The following TMEM117 variants were observed in gnomAD, a reference collection of about 807,000 sequenced individuals.
The protein encoded by TMEM117 is transmembrane protein 117.
In TMEM117, 27 loss-of-function variants were observed where a neutral mutation model predicts 52.4. That is an observed-to-expected ratio of 0.51 (90% CI 0.38 to 0.71). TMEM117 has a LOEUF of 0.71. Ranked by LOEUF, TMEM117 falls within the 30% of genes least tolerant of loss-of-function variation. The probability of loss-of-function intolerance (pLI) is 0.00; values close to 1 mark genes in which losing one functional copy is unlikely to be tolerated. For missense variants in TMEM117, 556 were observed against 630.5 expected (o/e 0.88, Z 1.26); for synonymous variants, 215 against 206.3 (o/e 1.04, Z -0.36).
chr12:44,369,596 A>G (rs1051748609), intron 6 of TMEM117, among the ~76,000 whole-genome samples: 3 of 152,230 alleles, frequency 2.0e-5, no homozygotes, highest in Non-Finnish European at 4.4e-5. Context: ...GGATAATTAA[A>G]TTGCTTGAGC....
Position 44,221,767 on chromosome 12 carries a change from C to T in TMEM117, c.608+10380C>T, listed in dbSNP as rs569319991. ...AGGCTGGAGTACAGTGGCATGATCG[C>T]GGCTCACTGCAACCTCCATCTCCCA... is the stretch of plus-strand genomic sequence containing the variant. On this transcript the variant is annotated intron_variant, in intron 5 of 7. Coordinates refer to ENST00000266534, the MANE Select transcript of TMEM117 (RefSeq NM_032256.3). Among the ~76,000 whole-genome samples, 25 of 151,800 alleles carry T rather than the reference C, an allele frequency of 1.6e-4. No homozygotes were observed. In the South Asian group the frequency reaches 1.9e-3, roughly 11 times the overall value.
At chr12:43,819,765 ACT>A in the TMEM117 span, among the ~76,000 whole-genome samples, 2,334 of 151,774 alleles carry the variant, frequency 0.015, 33 homozygotes, top group South Asian at 0.026. Flanking sequence ...ATAGAGCGAG[ACT>A]CTGTCAAAAA....
intron 2 of TMEM117, among the ~76,000 whole-genome samples, chr12:43,896,196 G>T (rs1195647117): frequency 6.6e-6 from 1 of 152,148 alleles, no homozygotes; most frequent in Non-Finnish European, 1.5e-5. Context: ...CTCCTACCTT[G>T]CAGCAATAGT....
chr12:43,800,826 C>A, the TMEM117 span, among the ~76,000 whole-genome samples: 1 of 152,208 alleles, frequency 6.6e-6, no homozygotes, highest in Non-Finnish European at 1.5e-5. Flanking sequence ...TCTCAGCTCA[C>A]TGCAACCTCT....
chr12:44,356,761 A>G (rs964913429), intron 6 of TMEM117, among the ~76,000 whole-genome samples: 7 of 152,028 alleles, frequency 4.6e-5, no homozygotes, highest in Non-Finnish European at 7.4e-5. Flanking sequence ...TAACTTCTGA[A>G]GTCTCACTCC....
At chr12:44,115,077 G>C (rs947601973) in intron 3 of TMEM117, among the ~76,000 whole-genome samples, 1 of 152,112 alleles carries the variant, frequency 6.6e-6, no homozygotes, top group Non-Finnish European at 1.5e-5. Context: ...CAAATATGTA[G>C]CATATGCGTC....
At chr12:44,385,892 T>A (rs1433015869) in intron 7 of TMEM117, among the ~76,000 whole-genome samples, 1 of 152,126 alleles carries the variant, frequency 6.6e-6, no homozygotes, top group African/African-American at 2.4e-5. Context: ...TCTTTTCCTT[T>A]TCTCTCCCCT....
intron 2 of TMEM117, among the ~76,000 whole-genome samples, chr12:43,915,389 T>C (rs975608019): frequency 1.4e-4 from 22 of 152,212 alleles, no homozygotes; most frequent in Non-Finnish European, 2.2e-4. Flanking sequence ...TCATCAGTCA[T>C]AGTTCTTCTT....
At chr12:44,263,501 C>T (rs1029766668) in intron 5 of TMEM117, 4 of 152,098 alleles carry the variant, frequency 2.6e-5, no homozygotes, top group African/African-American at 9.7e-5. Context: ...GGTATATACC[C>T]CAAGGATTAT....
rs376085222 is a variant in TMEM117, at chr12:44,218,387, CCA to C, written c.608+7003_608+7004del. On this transcript the variant is annotated intron_variant, in intron 5 of 7. Transcript: ENST00000266534. ...ATTAGAGTAACAGAATGAATAAAAA[CCA>C]CAGTTATCCCAATAGTACAGAAAAA... Among the ~76,000 whole-genome samples, 152 of 152,208 alleles carry C rather than the reference CCA, an allele frequency of 1.0e-3. 1 individual carries two copies. The highest frequency in any genetic ancestry group is 3.2e-3 in the African/African-American group (133 of 41,526).
At chr12:44,291,472 T>A (rs972680000) in intron 5 of TMEM117, among the ~76,000 whole-genome samples, 4 of 151,512 alleles carry the variant, frequency 2.6e-5, no homozygotes, top group African/African-American at 9.7e-5. Context: ...TCCTTTCTGA[T>A]TTGGATATCT....
intron 5 of TMEM117, among the ~76,000 whole-genome samples, chr12:44,272,885 G>T (rs1240900951): frequency 6.6e-6 from 1 of 152,076 alleles, no homozygotes; most frequent in Non-Finnish European, 1.5e-5. Flanking sequence ...ATACCCAAAG[G>T]ATTATAAATC....
rs1377111962 is a variant in TMEM117, at chr12:44,376,649, C to T, written c.823C>T (p.His275Tyr). Reference sequence around the variant, plus strand: ...TGTTGATGTAAATCTCCCTGGTTTGCACACCCCTCACATGCAGTTCAAGAT... The same window carrying T: ...TGTTGATGTAAATCTCCCTGGTTTGTACACCCCTCACATGCAGTTCAAGAT... Reference protein sequence around the residue: ...GDVDVNLPGLHTPHMQFKIPF... With the variant: ...GDVDVNLPGLYTPHMQFKIPF... The change falls in exon 7 of 8, where the codon CAC (histidine) becomes TAC (tyrosine). Residue 275 changes from histidine (H) to tyrosine (Y), a missense_variant. By Grantham distance (83) the His-to-Tyr change is moderately conservative (BLOSUM62 2). Transcript: ENST00000266534. The T allele has an allele frequency of 1.6e-5, 26 of 1,611,952 alleles. No homozygotes were observed. The highest frequency in any genetic ancestry group is 2.2e-5 in the East Asian group (1 of 44,818).
intron 3 of TMEM117, among the ~76,000 whole-genome samples, chr12:44,104,447 C>T (rs972058583): frequency 4.0e-5 from 6 of 151,818 alleles, no homozygotes; most frequent in African/African-American, 1.5e-4. Flanking sequence ...TTATTGAGCA[C>T]CTACCATTTG....
chr12:44,249,795 A>G (rs1392740874), intron 5 of TMEM117, among the ~76,000 whole-genome samples: 1 of 152,226 alleles, frequency 6.6e-6, no homozygotes, highest in Non-Finnish European at 1.5e-5. Context: ...CCATATGCAG[A>G]AAACAGAAAC....
At chr12:44,051,259 C>T (rs1411683762) in intron 3 of TMEM117, among the ~76,000 whole-genome samples, 1 of 152,090 alleles carries the variant, frequency 6.6e-6, no homozygotes, top group Non-Finnish European at 1.5e-5. Flanking sequence ...GTAAACCCTC[C>T]TCCAACTCAT....
chr12:44,279,384 G>GT (rs1214983230), intron 5 of TMEM117, among the ~76,000 whole-genome samples: 1 of 151,992 alleles, frequency 6.6e-6, no homozygotes, highest in Non-Finnish European at 1.5e-5. Flanking sequence ...TCCAAATAAT[G>GT]TTTTTTTCTC....
intron 3 of TMEM117, among the ~76,000 whole-genome samples, chr12:44,023,848 G>C (rs1351394065): frequency 6.6e-6 from 1 of 150,672 alleles, no homozygotes; most frequent in African/African-American, 2.4e-5. Context: ...AGCATTAGGA[G>C]ATATACCTAA....
chr12:44,373,367 T>C (rs1205341743), intron 6 of TMEM117, among the ~76,000 whole-genome samples: 1 of 152,244 alleles, frequency 6.6e-6, no homozygotes, highest in Non-Finnish European at 1.5e-5. Flanking sequence ...GCCCAAGTCC[T>C]GGGCAAAGGC....
Sources: gnomAD v4.1 joint callset for allele counts (sites outside exome capture counted in the v4.1 genomes callset) on GRCh38, gnomAD v4.1.1 for gene constraint, MANE v1.5 for transcripts, NCBI Gene and HGNC (gene_info 2026-07-23, HGNC 2026-07-21) for gene names.